GBF1: variants seen among roughly 807,000 people sequenced by gnomAD.
The protein encoded by GBF1 is golgi brefeldin A resistant guanine nucleotide exchange factor 1, also known as Golgi-specific brefeldin A-resistance guanine nucleotide exchange factor 1.
In GBF1, 114 loss-of-function variants were observed where a neutral mutation model predicts 210.5. That is an observed-to-expected ratio of 0.54 (90% confidence interval 0.47 to 0.63). The LOEUF is 0.63. Ranked by LOEUF, GBF1 falls within the 30% of genes least tolerant of loss-of-function variation. GBF1 has a pLI of 0.00. For missense variants in GBF1, 1,851 were observed against 2,357.7 expected, an observed-to-expected ratio of 0.79 and a Z score of 4.45; for synonymous variants, 850 against 889.2, an observed-to-expected ratio of 0.96 and a Z score of 0.78.
intron 3 of GBF1, among the ~76,000 whole-genome samples, chr10:102,271,999 C>T (rs2074480300): frequency 6.6e-6 from 1 of 152,114 alleles, no homozygotes; most frequent in Admixed American, 6.5e-5. Context: ...GTGATCCACC[C>T]ACCTCAGCCT....
rs1212910271 is a variant in GBF1 at position 102,377,154 on chromosome 10, C to T, written c.4494+14C>T. ...GTCAGTCAGGACGTAAGTATGGCACCCTTTACTTCCTCTCCTCCCCTGCAC... is the reference window on the plus strand; with the variant it reads ...GTCAGTCAGGACGTAAGTATGGCACTCTTTACTTCCTCTCCTCCCCTGCAC... On this transcript the variant is annotated intron_variant, in intron 33 of 39. Transcript: ENST00000369983. 3 of 1,597,290 alleles carry T rather than the reference C, an allele frequency of 1.9e-6. No individual in the cohort carries two copies. The highest frequency in any genetic ancestry group is 2.7e-5 in the African/African-American group (2 of 74,576).
At chr10:102,381,973 C>G in intron 39 of GBF1, 83 bp from the exon 40 acceptor site, 1 of 1,246,582 alleles carries the variant, frequency 8.0e-7, no homozygotes, top group Admixed American at 2.4e-5. Flanking sequence ...AACAGAGACT[C>G]TATAAGCAGC....
At chr10:102,231,278 G>A in the GBF1 span, among the ~76,000 whole-genome samples, 5 of 152,224 alleles carry the variant, frequency 3.3e-5, no homozygotes, top group Admixed American at 6.5e-5. Context: ...AACAGAAGGC[G>A]CGGGCGGCTG....
rs535374345 is a variant in GBF1, at chr10:102,359,404, C to T, written c.1149C>T (p.Gly383=). 64 of 1,613,836 alleles carry T rather than the reference C, an allele frequency of 4.0e-5. 2 individuals are homozygous for T. The highest frequency in any genetic ancestry group is 4.0e-4 in the South Asian group (36 of 91,070). Residue 383 remains glycine (G), a synonymous_variant, in exon 11 of 40, where the codon GGC becomes GGT. Transcript: ENST00000369983. ...ACATGGATTACGTCAATCCCCGGGG[C>T]GTGCGCTTTACACAGTCCTCCCAGA... ...VHDMDYVNPR[G]VRFTQSSQKE...
the GBF1 span, among the ~76,000 whole-genome samples, chr10:102,235,038 A>G: frequency 2.6e-5 from 4 of 152,282 alleles, no homozygotes; most frequent in African/African-American, 9.6e-5. Flanking sequence ...AGCTAGGGGC[A>G]CACAAACACA....
chr10:102,377,799 TTTC>T (rs2060597908), intron 33 of GBF1, among the ~76,000 whole-genome samples: 1 of 152,232 alleles, frequency 6.6e-6, no homozygotes, highest in Non-Finnish European at 1.5e-5. Context: ...CTGTCACCAG[TTTC>T]TTGTCTATCC....
intron 3 of GBF1, among the ~76,000 whole-genome samples, chr10:102,285,281 AG>A (rs1333151153): frequency 6.6e-6 from 1 of 152,228 alleles, no homozygotes; most frequent in Non-Finnish European, 1.5e-5. Flanking sequence ...ACCAGGCAAT[AG>A]GCTAGGTCTT....
intron 3 of GBF1, among the ~76,000 whole-genome samples, chr10:102,332,973 C>T (rs989758409): frequency 1.3e-5 from 2 of 152,216 alleles, no homozygotes; most frequent in African/African-American, 4.8e-5. Context: ...CTTGCCTTCC[C>T]TCCAGGCTAG....
At chr10:102,380,816 T>C (rs2060798463) in intron 38 of GBF1, 130 bp downstream of exon 38, 2 of 795,528 alleles carry the variant, frequency 2.5e-6, no homozygotes, top group Admixed American at 4.7e-5. Context: ...GAGACCAGCC[T>C]GACCAACATA....
the GBF1 span, among the ~76,000 whole-genome samples, chr10:102,233,654 A>G: frequency 6.6e-6 from 1 of 152,138 alleles, no homozygotes; most frequent in Non-Finnish European, 1.5e-5. Context: ...AGGTAACAAG[A>G]TCAAACACAA....
chr10:102,315,097 A>G (rs781176176), intron 3 of GBF1, among the ~76,000 whole-genome samples: 17 of 152,162 alleles, frequency 1.1e-4, no homozygotes, highest in Non-Finnish European at 8.8e-5. Flanking sequence ...CTTATTACCA[A>G]TTTTCCTGGA....
At position 102,261,555 on chromosome 10, in the gene GBF1, CT is replaced by C. The variant is rs374336431; in HGVS notation, c.163+1442del. Among the ~76,000 whole-genome samples, 317 of 151,452 alleles carry C rather than the reference CT, an allele frequency of 2.1e-3. 1 individual carries two copies. Among genetic ancestry groups the C allele is most frequent in the African/African-American group, 7.2e-3 (299 of 41,312 alleles). On this transcript the variant is annotated intron_variant, in intron 3 of 39. Coordinates refer to ENST00000369983, the MANE Select transcript of GBF1 (RefSeq NM_001377137.1). ...AGATCTGGAGAAAAAATCTATTTTACTTTCCTAAACATGGGCTAAAGTTATC... is the reference window on the plus strand; with the variant it reads ...AGATCTGGAGAAAAAATCTATTTTACTTCCTAAACATGGGCTAAAGTTATC...
chr10:102,338,941 AT>A (rs1362299393), intron 3 of GBF1, among the ~76,000 whole-genome samples: 1 of 152,206 alleles, frequency 6.6e-6, no homozygotes, highest in South Asian at 2.1e-4. Flanking sequence ...TATAGACTCA[AT>A]GCAATTCCTT....
intron 21 of GBF1, among the ~76,000 whole-genome samples, 171 bp from the exon 22 acceptor site, chr10:102,368,047 C>T (rs1412722562): frequency 6.6e-6 from 1 of 152,220 alleles, no homozygotes; most frequent in African/African-American, 2.4e-5. Context: ...TTATGGGACA[C>T]TTCCTTTCTT....
At chr10:102,231,045 G>C in the GBF1 span, 11 of 1,583,274 alleles carry the variant, frequency 6.9e-6, no homozygotes, top group South Asian at 3.4e-5. Flanking sequence ...TGCATAGCTC[G>C]GCCTGCTGGC....
At chr10:102,293,116 T>A (rs541781009) in intron 3 of GBF1, among the ~76,000 whole-genome samples, 1 of 152,358 alleles carries the variant, frequency 6.6e-6, no homozygotes, top group South Asian at 2.1e-4. Flanking sequence ...TGTCTCTATA[T>A]TAATTTATCT....
intron 3 of GBF1, among the ~76,000 whole-genome samples, chr10:102,323,038 G>T (rs1488562200): frequency 1.3e-5 from 2 of 151,972 alleles, no homozygotes; most frequent in African/African-American, 2.4e-5. Flanking sequence ...TCACAATTTT[G>T]TGGGTTGTCC....
intron 3 of GBF1, among the ~76,000 whole-genome samples, chr10:102,284,427 C>T (rs2075771843): frequency 6.6e-6 from 1 of 152,272 alleles, no homozygotes; most frequent in Non-Finnish European, 1.5e-5. Flanking sequence ...ACTTTCCCTT[C>T]CCCTCCAGCC....
chr10:102,346,183 A>G (rs2058557892), intron 4 of GBF1, among the ~76,000 whole-genome samples: 2 of 152,134 alleles, frequency 1.3e-5, no homozygotes, highest in Non-Finnish European at 2.9e-5. Flanking sequence ...GGGTTTCACC[A>G]TATTGGCCAG....
Sources: gnomAD v4.1 joint callset for allele counts (sites outside exome capture counted in the v4.1 genomes callset) on GRCh38, gnomAD v4.1.1 for gene constraint, MANE v1.5 for transcripts, NCBI Gene and HGNC (gene_info 2026-07-23, HGNC 2026-07-21) for gene names.